Variants in DEFB119 observed in about 807,000 individuals in gnomAD.
DEFB119 encodes the protein beta-defensin 119.
In DEFB119, 3 loss-of-function variants were observed where a neutral mutation model predicts 2.5. The observed-to-expected ratio is 1.19, with a 90% CI of 0.54 to 3.07. DEFB119 has a LOEUF of 3.07. Among genes scored for constraint, DEFB119 ranks in the 30% most tolerant of loss-of-function variants. The probability of loss-of-function intolerance (pLI) is 0.03; values close to 1 mark genes in which losing one functional copy is unlikely to be tolerated. For missense variants in DEFB119, 113 were observed against 101.1 expected, an observed-to-expected ratio of 1.12 and a Z score of -0.50; for synonymous variants, 29 against 33.7, an observed-to-expected ratio of 0.86 and a Z score of 0.48.
intron 1 of DEFB119, among the ~76,000 whole-genome samples, chr20:31,385,516 T>C (rs1009204197): frequency 6.6e-6 from 1 of 152,162 alleles, no homozygotes; most frequent in South Asian, 2.1e-4. Flanking sequence ...AAGAATGGAA[T>C]GACACATAGC....
intron 1 of DEFB119, chr20:31,388,930 T>A: frequency 6.8e-7 from 1 of 1,480,244 alleles, no homozygotes; most frequent in Non-Finnish European, 9.1e-7. Flanking sequence ...CTCAATCCAT[T>A]TGAAGTATCA....
At chr20:31,389,716 T>C (rs1371093412) in intron 1 of DEFB119, among the ~76,000 whole-genome samples, 1 of 151,986 alleles carries the variant, frequency 6.6e-6, no homozygotes, top group African/African-American at 2.4e-5. Context: ...CTTGACCCTA[T>C]ATTAACCCAA....
At chr20:31,381,518 G>A (rs111658718) in intron 1 of DEFB119, among the ~76,000 whole-genome samples, 5,359 of 152,294 alleles carry the variant, frequency 0.035, 320 homozygotes, top group African/African-American at 0.12. Flanking sequence ...GATCTCAAGA[G>A]CATAATGCTG....
At chr20:31,389,192 T>C in intron 1 of DEFB119, 1 of 1,614,180 alleles carries the variant, frequency 6.2e-7, no homozygotes, top group Non-Finnish European at 8.5e-7. Context: ...TCACCATCTT[T>C]GCACAACAAC....
intron 1 of DEFB119, among the ~76,000 whole-genome samples, chr20:31,384,278 A>T (rs187613879): frequency 5.6e-3 from 846 of 152,350 alleles, no homozygotes; most frequent in Non-Finnish European, 8.8e-3. Context: ...AAAATAACTA[A>T]AAGAGTATAA....
At chr20:31,384,932 A>G (rs1986638208) in intron 1 of DEFB119, among the ~76,000 whole-genome samples, 1 of 152,216 alleles carries the variant, frequency 6.6e-6, no homozygotes, top group African/African-American at 2.4e-5. Context: ...TATAGACACC[A>G]GAAGACACCA....
chr20:31,379,933 G>A (rs1326682887), intron 1 of DEFB119, among the ~76,000 whole-genome samples: 6 of 152,168 alleles, frequency 3.9e-5, no homozygotes. Flanking sequence ...CCAAAGTGGT[G>A]GGATTACAGG....
At chr20:31,379,685 A>T in intron 1 of DEFB119, among the ~76,000 whole-genome samples, 1 of 140,440 alleles carries the variant, frequency 7.1e-6, no homozygotes. Context: ...TTTTGGTGAG[A>T]TGGAGTCTCT....
chr20:31,380,559 C>A lies in DEFB119; in HGVS notation c.62-3120G>T, dbSNP rs1171629072. Among the ~76,000 whole-genome samples the A allele has an allele frequency of 2.6e-5, 4 of 152,132 alleles. No individual in the cohort carries two copies. The East Asian group carries it at 7.7e-4, about 29-fold the overall frequency. The stretch of plus-strand genomic sequence containing the variant: ...GGGATTACAGGTGTGAGCCACCACG[C>A]CTGGCGGTTATGATCCATTTTAAGT... On this transcript the variant is annotated intron_variant, in intron 1 of 1. Coordinates refer to ENST00000376321, the MANE Select transcript of DEFB119 (RefSeq NM_153289.4).
At chr20:31,384,968 T>C (rs1314155485) in intron 1 of DEFB119, among the ~76,000 whole-genome samples, 1 of 152,150 alleles carries the variant, frequency 6.6e-6, no homozygotes, top group East Asian at 1.9e-4. Flanking sequence ...GACAATGTTA[T>C]TGTAAACTTC....
intron 1 of DEFB119, chr20:31,389,203 C>T (rs778891846): frequency 2.2e-5 from 35 of 1,613,990 alleles, no homozygotes; most frequent in Middle Eastern, 3.3e-4. Flanking sequence ...GCACAACAAC[C>T]GGCAGTGTCC....
At chr20:31,377,562 C>T (rs1407728484) in intron 1 of DEFB119, 123 bp from the exon 2 acceptor site, 3 of 1,042,246 alleles carry the variant, frequency 2.9e-6, no homozygotes, top group Non-Finnish European at 1.4e-6. Context: ...ACAATAGTGA[C>T]TTCTACTTCC....
chr20:31,383,149 A>G lies in DEFB119; in HGVS notation c.62-5710T>C, dbSNP rs1468131334. 2.6e-5 allele frequency among the ~76,000 whole-genome samples: 4 copies of G among 152,228 alleles called. No individual in the cohort carries two copies. In the East Asian group the frequency reaches 7.7e-4, roughly 29 times the overall value. On this transcript the variant is annotated intron_variant, in intron 1 of 1. Transcript: ENST00000376321. Reference sequence around the variant, plus strand: ...CCACTCAAATCTCGTCTTAAATTGTAGCTCCCATAATCCCCACATATCATG... The same window carrying G: ...CCACTCAAATCTCGTCTTAAATTGTGGCTCCCATAATCCCCACATATCATG...
At chr20:31,388,274 C>T (rs1201329720) in intron 1 of DEFB119, 5 of 985,530 alleles carry the variant, frequency 5.1e-6, no homozygotes, top group Non-Finnish European at 4.8e-6. Flanking sequence ...TTCATAAATC[C>T]TTGAATAAAT....
chr20:31,390,444 T>A lies in DEFB119; in HGVS notation c.40A>T (p.Ile14Leu), dbSNP rs1364854079. The stretch of plus-strand genomic sequence containing the variant: ...TTACCTGATATCACTGGTTCTTCTA[T>A]GGCCAGAAGGATGGCAAGAAACAGG... ...LYLFLAILLA[I>L]EEPVISGKRH... The change falls in exon 1 of 2, where the codon ATA (isoleucine) becomes TTA (leucine). Residue 14 changes from isoleucine (I) to leucine (L), a missense_variant. Transcript: ENST00000376321. 6.2e-7 allele frequency: 1 copy of A among 1,612,726 alleles called. No homozygotes were observed. Among genetic ancestry groups the A allele is most frequent in the Non-Finnish European group, 8.5e-7 (1 of 1,179,576 alleles).
At chr20:31,385,449 C>T (rs1986661353) in intron 1 of DEFB119, among the ~76,000 whole-genome samples, 1 of 151,108 alleles carries the variant, frequency 6.6e-6, no homozygotes, top group Admixed American at 6.6e-5. Flanking sequence ...AATTATGTCA[C>T]CTCTCTGGAC....
chr20:31,380,004 T>C (rs1479396111), intron 1 of DEFB119, among the ~76,000 whole-genome samples: 1 of 152,194 alleles, frequency 6.6e-6, no homozygotes, highest in East Asian at 1.9e-4. Flanking sequence ...ATGTTCCAGA[T>C]ACAAGTTCTT....
chr20:31,385,796 G>T (rs1443548174), intron 1 of DEFB119, among the ~76,000 whole-genome samples: 1 of 152,046 alleles, frequency 6.6e-6, no homozygotes, highest in African/African-American at 2.4e-5. Flanking sequence ...CTTGAGCCTG[G>T]GAGGGTTAGG....
intron 1 of DEFB119, among the ~76,000 whole-genome samples, chr20:31,387,518 T>A (rs1986752144): frequency 6.6e-6 from 1 of 152,312 alleles, no homozygotes; most frequent in African/African-American, 2.4e-5. Context: ...GGTTTGAATT[T>A]ATAATTCTCT....
Sources: allele counts gnomAD v4.1 joint callset (sites outside exome capture counted in the v4.1 genomes callset), GRCh38; gene constraint gnomAD v4.1.1; transcripts MANE v1.5; gene names NCBI Gene and HGNC (gene_info 2026-07-23, HGNC 2026-07-21).